Variants in CRACR2A observed in about 807,000 individuals in gnomAD.
CRACR2A encodes calcium release activated channel regulator 2A.
In CRACR2A, 79 loss-of-function variants were observed where a neutral mutation model predicts 90.5. The ratio of observed to expected loss-of-function variants is 0.87; its 90% CI spans 0.73 to 1.05. The LOEUF (loss-of-function observed/expected upper bound fraction) is 1.05. CRACR2A is among the 50% of genes least tolerant of loss of function. The pLI is 0.00. For missense variants in CRACR2A, 823 were observed against 897.2 expected, an observed-to-expected ratio of 0.92 and a Z score of 1.06; for synonymous variants, 338 against 356.7, an observed-to-expected ratio of 0.95 and a Z score of 0.59.
chr12:3,649,561 T>A (rs933661889), intron 10 of CRACR2A, among the ~76,000 whole-genome samples: 2 of 152,202 alleles, frequency 1.3e-5, no homozygotes, highest in Admixed American at 6.5e-5. Context: ...ATGTATCTAT[T>A]ATAATCATTG....
chr12:3,717,683 A>G (rs1282108860), intron 2 of CRACR2A, among the ~76,000 whole-genome samples: 1 of 152,236 alleles, frequency 6.6e-6, no homozygotes, highest in African/African-American at 2.4e-5. Context: ...ATACACCTAC[A>G]TTATTATACG....
chr12:3,726,842 AAAAG>A (rs1946274525), intron 2 of CRACR2A: 2 of 152,108 alleles, frequency 1.3e-5, no homozygotes, highest in Admixed American at 1.3e-4. Context: ...AAAGAAAAAA[AAAAG>A]AAAGAAAAGA....
At chr12:3,700,871 A>G (rs1239133154) in intron 3 of CRACR2A, among the ~76,000 whole-genome samples, 1 of 152,250 alleles carries the variant, frequency 6.6e-6, no homozygotes, top group Non-Finnish European at 1.5e-5. Context: ...CTTAATTGAC[A>G]TTTATAGAAC....
chr12:3,660,468 A>T (rs1945009939), intron 7 of CRACR2A, among the ~76,000 whole-genome samples: 1 of 152,036 alleles, frequency 6.6e-6, no homozygotes, highest in African/African-American at 2.4e-5. Flanking sequence ...AGAGATGAAG[A>T]CAAACACACA....
At chr12:3,666,448 G>A (rs1945153299) in intron 7 of CRACR2A, among the ~76,000 whole-genome samples, 1 of 152,102 alleles carries the variant, frequency 6.6e-6, no homozygotes, top group African/African-American at 2.4e-5. Context: ...AGGCAGATGG[G>A]ATATGAAACA....
At chr12:3,631,228 T>C (rs879581507) in intron 15 of CRACR2A, among the ~76,000 whole-genome samples, 2 of 152,184 alleles carry the variant, frequency 1.3e-5, no homozygotes, top group Admixed American at 6.5e-5. Flanking sequence ...TGATATTTTT[T>C]CCCCTTCCTA....
intron 4 of CRACR2A, among the ~76,000 whole-genome samples, chr12:3,689,154 T>A (rs1945612720): frequency 6.6e-6 from 1 of 152,202 alleles, no homozygotes; most frequent in African/African-American, 2.4e-5. Flanking sequence ...ATAGCTTGAC[T>A]TCCTCTCTTC....
chr12:3,679,452 T>C (rs990479333), intron 5 of CRACR2A, among the ~76,000 whole-genome samples: 1 of 152,204 alleles, frequency 6.6e-6, no homozygotes, highest in Non-Finnish European at 1.5e-5. Context: ...TCCAGCACCC[T>C]GACTGCAGAG....
chr12:3,682,303 G>A (rs1014700162), intron 4 of CRACR2A, among the ~76,000 whole-genome samples: 2 of 152,098 alleles, frequency 1.3e-5, no homozygotes, highest in Non-Finnish European at 2.9e-5. Flanking sequence ...GAGATCAACG[G>A]GACCCTCAAC....
intron 8 of CRACR2A, among the ~76,000 whole-genome samples, chr12:3,656,869 T>C (rs754126768): frequency 2.0e-5 from 3 of 152,200 alleles, no homozygotes; most frequent in Non-Finnish European, 4.4e-5. Flanking sequence ...ATCCCTTAAA[T>C]TGGCCTCACT....
At position 3,680,385 on chromosome 12, in the gene CRACR2A, C is replaced by CA. The variant is rs35179033; in HGVS notation, c.229-37dup. Reference sequence around the variant, plus strand: ...CCCAGAGTGTACTGGTTAACACTGACACTCACTGGTGGGGGAGGTGACCTG... The same window carrying CA: ...CCCAGAGTGTACTGGTTAACACTGACAACTCACTGGTGGGGGAGGTGACCTG... On this transcript the variant is annotated intron_variant, in intron 4 of 19. Transcript: ENST00000440314. 428,054 of 1,574,638 alleles carry CA rather than the reference C, an allele frequency of 0.27. 63,147 individuals carry two copies. The highest frequency in any genetic ancestry group is 0.54 in the East Asian group (24,026 of 44,546).
rs145041742 is a variant in CRACR2A at position 3,746,352 on chromosome 12, GCTCTCTCT to G, written c.-387+6655_-387+6662del. On this transcript the variant is annotated intron_variant, in intron 1 of 19. Coordinates refer to ENST00000440314, the MANE Select transcript of CRACR2A (RefSeq NM_001144958.2). This position sits in a 1 kb window ranked among gnomAD's most constrained non-coding sequence, Gnocchi z 4.4. ...GCCCATCATGAAGAGACACCAGAGA[GCTCTCTCT>G]CTCTCTCTCTCTCCCCATCTCTCTC... is the stretch of plus-strand genomic sequence containing the variant. 2.0e-5 allele frequency among the ~76,000 whole-genome samples: 3 copies of G among 147,138 alleles called. No homozygotes were observed. The highest frequency in any genetic ancestry group is 7.5e-5 in the African/African-American group (3 of 40,072).
At chr12:3,656,283 T>C (rs1360207908) in intron 9 of CRACR2A, 28 bp downstream of exon 9, 15 of 1,606,412 alleles carry the variant, frequency 9.3e-6, no homozygotes. Flanking sequence ...AAGAGCCAGG[T>C]ACTCTGGGGC....
Position 3,746,997 on chromosome 12 carries a change from T to C in CRACR2A, c.-387+6018A>G, listed in dbSNP as rs1946637067. ...CACCTGACATGGATCAACAGGTAAC[T>C]CCTGTATTCTCACTTGAATGAAGAG... is the stretch of plus-strand genomic sequence containing the variant. On this transcript the variant is annotated intron_variant, in intron 1 of 19. Transcript: ENST00000440314. This position sits in a 1 kb window ranked among gnomAD's most constrained non-coding sequence, Gnocchi z 4.4. Among the ~76,000 whole-genome samples the C allele has an allele frequency of 6.6e-6, 1 of 152,222 alleles. No individual in the cohort carries two copies. The highest frequency in any genetic ancestry group is 1.5e-5 in the Non-Finnish European group (1 of 68,044).
chr12:3,625,222 G>A (rs1173564080), intron 17 of CRACR2A, among the ~76,000 whole-genome samples: 3 of 152,068 alleles, frequency 2.0e-5, no homozygotes, highest in East Asian at 1.9e-4. Context: ...CAAGGCTTCC[G>A]TGGGCCTCTT....
chr12:3,693,609 T>C (rs1945689769), intron 4 of CRACR2A, among the ~76,000 whole-genome samples: 1 of 152,324 alleles, frequency 6.6e-6, no homozygotes, highest in South Asian at 2.1e-4. Context: ...TAGAATTTCT[T>C]CTCTTACGGT....
intron 1 of CRACR2A, among the ~76,000 whole-genome samples, chr12:3,737,133 T>C (rs10774168): frequency 0.27 from 41,166 of 152,026 alleles, 6,391 homozygotes; most frequent in African/African-American, 0.43. Context: ...GAGCCCAAAT[T>C]AACAAGACCA....
intron 8 of CRACR2A, among the ~76,000 whole-genome samples, chr12:3,657,452 G>T (rs1265621753): frequency 1.3e-5 from 2 of 152,200 alleles, no homozygotes; most frequent in African/African-American, 4.8e-5. Flanking sequence ...GGGGGAACAC[G>T]GCCCCCTCGG....
At chr12:3,683,987 A>C (rs1439458091) in intron 4 of CRACR2A, among the ~76,000 whole-genome samples, 1 of 152,142 alleles carries the variant, frequency 6.6e-6, no homozygotes, top group East Asian at 1.9e-4. Context: ...CAGTACTGAG[A>C]GTTCATGCCC....
Sources: allele counts gnomAD v4.1 joint callset (sites outside exome capture counted in the v4.1 genomes callset), GRCh38; gene constraint gnomAD v4.1.1; non-coding constraint Gnocchi (gnomAD v3.1); transcripts MANE v1.5; gene names NCBI Gene and HGNC (gene_info 2026-07-23, HGNC 2026-07-21).